Variants in PHF2 observed in about 807,000 individuals in gnomAD.
PHF2 encodes lysine-specific demethylase PHF2.
Under a neutral mutation model 120.5 loss-of-function variants are expected in PHF2, and 27 were observed. The ratio of observed to expected loss-of-function variants is 0.22; its 90% CI spans 0.17 to 0.31. The LOEUF (loss-of-function observed/expected upper bound fraction) is 0.31. Ranked by LOEUF, PHF2 falls within the 10% of genes least tolerant of loss-of-function variation. The pLI, the probability that PHF2 is intolerant of heterozygous loss-of-function variation, is 1.00. For missense variants in PHF2, 1,024 were observed against 1,434.8 expected (o/e 0.71, Z 4.63); for synonymous variants, 568 against 592.5 (o/e 0.96, Z 0.60).
intron 1 of PHF2, among the ~76,000 whole-genome samples, chr9:93,599,001 C>T (rs910175896): frequency 6.6e-6 from 1 of 152,158 alleles, no homozygotes; most frequent in African/African-American, 2.4e-5. Context: ...ACTGTGCGTG[C>T]CTCTCAGACA....
rs77748276 is a variant in PHF2, at chr9:93,630,934, C to G, written c.184+879C>G. ...GTCAGCTGATCACATCTCTGCTGAC[C>G]TGAGCCCTGGACAAGGTGGGGCAGG... On this transcript the variant is annotated intron_variant, in intron 2 of 21. Coordinates refer to ENST00000359246, the MANE Select transcript of PHF2 (RefSeq NM_005392.4). Among the ~76,000 whole-genome samples, 674 of 152,270 alleles carry G rather than the reference C, an allele frequency of 4.4e-3. 7 individuals are homozygous for G. Among genetic ancestry groups the G allele is most frequent in the African/African-American group, 0.015 (638 of 41,550 alleles).
intron 1 of PHF2, among the ~76,000 whole-genome samples, chr9:93,579,679 A>G (rs1344765767): frequency 6.6e-6 from 1 of 152,140 alleles, no homozygotes; most frequent in Non-Finnish European, 1.5e-5. Flanking sequence ...TAAACACACA[A>G]CTGTTAGAGT....
Position 93,679,029 on chromosome 9 carries a change from T to C in PHF2, c.*1353T>C, listed in dbSNP as rs530491469. ...ATCTTCAACTTTAATACCAGCTCTT[T>C]GTTTTCCTTGTATGATGAGGGGATT... On this transcript the variant is annotated 3_prime_UTR_variant, in exon 22 of 22. Coordinates refer to ENST00000359246, the MANE Select transcript of PHF2 (RefSeq NM_005392.4). 1 of 333,714 alleles carries C rather than the reference T, an allele frequency of 3.0e-6. No homozygotes were observed. Among genetic ancestry groups the C allele is most frequent in the Non-Finnish European group, 5.8e-6 (1 of 172,116 alleles). 20.7% of individuals were successfully genotyped at this position (333,714 alleles called of 1,614,324 possible). A position where few individuals can be genotyped will look rare whatever the true frequency, so the allele number is the denominator to read the frequency against.
At chr9:93,610,469 A>G (rs139564724) in intron 1 of PHF2, among the ~76,000 whole-genome samples, 37 of 152,186 alleles carry the variant, frequency 2.4e-4, no homozygotes, top group African/African-American at 8.7e-4. Flanking sequence ...TTAGTGTCTC[A>G]ATCTCTCAGC....
chr9:93,644,617 C>T (rs536612642), intron 3 of PHF2, among the ~76,000 whole-genome samples: 3 of 152,262 alleles, frequency 2.0e-5, no homozygotes, highest in Admixed American at 6.5e-5. Flanking sequence ...TCCTCCCCAG[C>T]GCTGCTCACA....
intron 6 of PHF2, 126 bp from the exon 7 acceptor site, chr9:93,654,287 G>A (rs1826419349): frequency 1.3e-6 from 1 of 771,656 alleles, no homozygotes; most frequent in Non-Finnish European, 2.1e-6. Flanking sequence ...AAGCACCTGT[G>A]CCCTCAGTGT....
intron 1 of PHF2, among the ~76,000 whole-genome samples, chr9:93,591,551 G>T (rs964309570): frequency 6.6e-6 from 1 of 152,272 alleles, no homozygotes; most frequent in Non-Finnish European, 1.5e-5. Flanking sequence ...GCAGGGTGGG[G>T]ACCAGAGTCC....
At position 93,660,375 on chromosome 9, in the gene PHF2, A is replaced by T. The variant is rs1826540874; in HGVS notation, c.1513A>T (p.Ile505Phe). 6.4e-7 allele frequency: 1 copy of T among 1,565,196 alleles called. No homozygotes were observed. Among genetic ancestry groups the T allele is most frequent in the African/African-American group, 1.4e-5 (1 of 73,650 alleles). The stretch of plus-strand genomic sequence containing the variant: ...TGTGAAGATGCCCAAGCCATCCAAA[A>T]TCCCCAAGCCCCCGAAGCCCCCTAA... ...KTVKMPKPSK[I>F]PKPPKPPKPP... Residue 505 changes from isoleucine to phenylalanine, a missense_variant, in exon 12 of 22, where the codon ATC (isoleucine) becomes TTC (phenylalanine). Around this residue, in one of 2 missense-constraint regions of PHF2, gnomAD observed 677 missense variants for 857.4 expected, o/e 0.79. Coordinates refer to ENST00000359246, the MANE Select transcript of PHF2 (RefSeq NM_005392.4).
At chr9:93,671,180 G>A (rs928086231) in intron 17 of PHF2, 45 of 981,084 alleles carry the variant, frequency 4.6e-5, no homozygotes, top group Non-Finnish European at 5.3e-5. Context: ...AGGTACAGGT[G>A]TAGATGCAGC....
At chr9:93,643,575 C>T (rs1422651749) in intron 3 of PHF2, among the ~76,000 whole-genome samples, 2 of 152,166 alleles carry the variant, frequency 1.3e-5, no homozygotes, top group South Asian at 2.1e-4. Context: ...GCATTGCAGC[C>T]CTCTAGTTCC....
At chr9:93,662,162 A>G (rs1231095795) in intron 12 of PHF2, among the ~76,000 whole-genome samples, 1 of 150,112 alleles carries the variant, frequency 6.7e-6, no homozygotes, top group Non-Finnish European at 1.5e-5. Context: ...TAGACAGAGG[A>G]ATGAATAGAT....
intron 12 of PHF2, 120 bp from the exon 13 acceptor site, chr9:93,662,787 G>A (rs1356770844): frequency 6.0e-6 from 7 of 1,173,256 alleles, no homozygotes; most frequent in Non-Finnish European, 8.6e-6. Context: ...TGGATGGGTA[G>A]ATGGATGGAG....
At chr9:93,630,634 G>T (rs1032642148) in intron 2 of PHF2, among the ~76,000 whole-genome samples, 2 of 152,144 alleles carry the variant, frequency 1.3e-5, no homozygotes, top group African/African-American at 4.8e-5. Flanking sequence ...GCCCTTTCAG[G>T]TGTGCTGGGT....
chr9:93,583,231 A>G (rs1862966764), intron 1 of PHF2, among the ~76,000 whole-genome samples: 1 of 152,236 alleles, frequency 6.6e-6, no homozygotes, highest in Non-Finnish European at 1.5e-5. Context: ...TCCACATTGT[A>G]TCATGTGTCT....
At chr9:93,604,128 G>T (rs1241234685) in intron 1 of PHF2, among the ~76,000 whole-genome samples, 1 of 152,142 alleles carries the variant, frequency 6.6e-6, no homozygotes, top group African/African-American at 2.4e-5. Context: ...TTCTGAGATG[G>T]GGACACCCCT....
intron 1 of PHF2, among the ~76,000 whole-genome samples, chr9:93,588,082 T>A (rs1446131093): frequency 6.6e-6 from 1 of 152,154 alleles, no homozygotes; most frequent in Non-Finnish European, 1.5e-5. Flanking sequence ...GTCGTGTGTC[T>A]GTGGGTCTGG....
At chr9:93,640,607 A>G (rs1826159007) in intron 3 of PHF2, among the ~76,000 whole-genome samples, 1 of 152,086 alleles carries the variant, frequency 6.6e-6, no homozygotes, top group Non-Finnish European at 1.5e-5. Flanking sequence ...ATGTTCTTAC[A>G]TGTTGTCAGC....
intron 1 of PHF2, among the ~76,000 whole-genome samples, chr9:93,621,823 C>T (rs1825832519): frequency 1.3e-5 from 2 of 152,168 alleles, no homozygotes; most frequent in South Asian, 2.1e-4. Flanking sequence ...ATTTTAAGGA[C>T]ATGTTGATTT....
At position 93,656,178 on chromosome 9, in the gene PHF2, G is replaced by A. The variant is rs991703863; in HGVS notation, c.1040+157G>A. Among the ~76,000 whole-genome samples, 1 of 152,116 alleles carries A rather than the reference G, an allele frequency of 6.6e-6. No individual in the cohort carries two copies. Among genetic ancestry groups the A allele is most frequent in the Non-Finnish European group, 1.5e-5 (1 of 68,016 alleles). ...CCTCGGTGGGCCTCTTTGTGATGTG[G>A]AGGGAAGGAGGAGGTGGGCCCTGGG... On this transcript the variant is annotated intron_variant, in intron 8 of 21. Coordinates refer to ENST00000359246, the MANE Select transcript of PHF2 (RefSeq NM_005392.4). The surrounding 1 kb of genome is among the most constrained non-coding windows in gnomAD (Gnocchi z 4.1).
Sources: allele counts gnomAD v4.1 joint callset (sites outside exome capture counted in the v4.1 genomes callset), GRCh38; gene constraint gnomAD v4.1.1; regional missense constraint gnomAD v4.1.1; non-coding constraint Gnocchi (gnomAD v3.1); transcripts MANE v1.5; gene names NCBI Gene and HGNC (gene_info 2026-07-23, HGNC 2026-07-21).